ADK: variants seen among roughly 807,000 people sequenced by gnomAD.
ADK encodes the protein adenosine kinase, also known as N6,N6-dimethyladenosine kinase.
Under a neutral mutation model 44.7 loss-of-function variants are expected in ADK, and 24 were observed. That is an observed-to-expected ratio of 0.54 (90% CI 0.39 to 0.76). The LOEUF is 0.76. Ranked by LOEUF, ADK falls within the 30% of genes least tolerant of loss-of-function variation. The pLI is 0.00. For missense variants in ADK, 321 were observed against 425.1 expected (o/e 0.76, Z 2.15); for synonymous variants, 128 against 142.6 (o/e 0.90, Z 0.73).
At chr10:74,176,484 A>C in intron 1 of ADK, 1 of 1,156,316 alleles carries the variant, frequency 8.6e-7, no homozygotes. Flanking sequence ...CGGTTGCCAG[A>C]GGCGCGGCCA....
chr10:74,205,612 G>A (rs895918049), intron 2 of ADK, among the ~76,000 whole-genome samples: 7 of 144,832 alleles, frequency 4.8e-5, no homozygotes, highest in Admixed American at 2.9e-4. Context: ...GGAGGCGGAG[G>A]TTGCAGTAAG....
At chr10:74,688,395 C>T (rs1855868012) in intron 10 of ADK, among the ~76,000 whole-genome samples, 1 of 152,158 alleles carries the variant, frequency 6.6e-6, no homozygotes, top group African/African-American at 2.4e-5. Context: ...ATCCCCGGGA[C>T]CCAGCACAGT....
intron 6 of ADK, among the ~76,000 whole-genome samples, chr10:74,454,513 A>C (rs1025659220): frequency 1.3e-5 from 2 of 152,150 alleles, no homozygotes; most frequent in African/African-American, 4.8e-5. Flanking sequence ...TATAAATCCA[A>C]GTTGCGCTGC....
rs118032268 is a variant in ADK, at chr10:74,433,462, C to T, written c.555+34883C>T. On this transcript the variant is annotated intron_variant, in intron 6 of 10. Transcript: ENST00000539909. ...TCATTTGTTGACATGAAGAAAACCA[C>T]GTGACCTACTTTAATGCATTTCTCA... Among the ~76,000 whole-genome samples, 366 of 152,228 alleles carry T rather than the reference C, an allele frequency of 2.4e-3. 15 individuals carry two copies. The highest frequency in any genetic ancestry group is 2.9e-3 in the East Asian group (15 of 5,190).
chr10:74,156,624 G>T (rs912909200), intron 1 of ADK, among the ~76,000 whole-genome samples: 3 of 152,074 alleles, frequency 2.0e-5, no homozygotes, highest in African/African-American at 7.2e-5. Context: ...TTAGGTGGGG[G>T]AAAAAAAGTA....
chr10:74,566,201 C>CTTTTT (rs772254919), intron 7 of ADK, among the ~76,000 whole-genome samples: 107 of 113,962 alleles, frequency 9.4e-4, no homozygotes, highest in African/African-American at 2.4e-3. Context: ...CTCTCTCTCT[C>CTTTTT]TTTTTTTTTT....
At chr10:74,376,707 G>A (rs961591235) in intron 4 of ADK, among the ~76,000 whole-genome samples, 5 of 150,810 alleles carry the variant, frequency 3.3e-5, no homozygotes, top group Admixed American at 3.3e-4. Context: ...ATTTGAATCA[G>A]CATCTAAAGA....
intron 6 of ADK, among the ~76,000 whole-genome samples, chr10:74,502,343 T>G (rs1476673717): frequency 6.6e-6 from 1 of 152,062 alleles, no homozygotes; most frequent in African/African-American, 2.4e-5. Context: ...GTGCCACATA[T>G]AAGAAATGTA....
At chr10:74,220,254 A>C (rs1288921137) in intron 2 of ADK, among the ~76,000 whole-genome samples, 1 of 152,212 alleles carries the variant, frequency 6.6e-6, no homozygotes, top group East Asian at 1.9e-4. Context: ...CTACGCAAAT[A>C]AAGTAGAAAA....
At chr10:74,408,256 G>A (rs1429382693) in intron 6 of ADK, among the ~76,000 whole-genome samples, 4 of 151,298 alleles carry the variant, frequency 2.6e-5, no homozygotes, top group Admixed American at 2.6e-4. Context: ...GACTCCCAAT[G>A]TGCTGGTATT....
chr10:74,701,325 G>A (rs914541093), intron 10 of ADK, among the ~76,000 whole-genome samples: 2 of 152,200 alleles, frequency 1.3e-5, no homozygotes, highest in Non-Finnish European at 1.5e-5. Flanking sequence ...GTGTGTGTGT[G>A]TGCATGACTA....
At chr10:74,496,496 T>C (rs1479840196) in intron 6 of ADK, among the ~76,000 whole-genome samples, 1 of 152,226 alleles carries the variant, frequency 6.6e-6, no homozygotes, top group Non-Finnish European at 1.5e-5. Context: ...CCTTCCGCCA[T>C]GATTGTAAGT....
Position 74,709,014 on chromosome 10 carries a change from T to C in ADK, c.*569T>C, listed in dbSNP as rs1403149889. The C allele has an allele frequency of 2.0e-5, 3 of 153,226 alleles. No individual in the cohort carries two copies. The highest frequency in any genetic ancestry group is 7.2e-5 in the African/African-American group (3 of 41,454). 9.5% of individuals were successfully genotyped at this position (153,226 alleles called of 1,614,324 possible). Reference sequence around the variant, plus strand: ...TGTGCACTCAAACATGTAATAAACTTTGGATAATTAAATAATGTGCCAAAT... The same window carrying C: ...TGTGCACTCAAACATGTAATAAACTCTGGATAATTAAATAATGTGCCAAAT... On this transcript the variant is annotated 3_prime_UTR_variant, in exon 11 of 11. Coordinates refer to ENST00000539909, the MANE Select transcript of ADK (RefSeq NM_006721.4).
intron 6 of ADK, among the ~76,000 whole-genome samples, chr10:74,419,964 T>C (rs1844502047): frequency 6.6e-6 from 1 of 152,198 alleles, no homozygotes; most frequent in Non-Finnish European, 1.5e-5. Flanking sequence ...TACTTACTTA[T>C]AATTGACTAG....
At chr10:74,649,209 T>A (rs1313018365) in intron 9 of ADK, among the ~76,000 whole-genome samples, 1 of 152,100 alleles carries the variant, frequency 6.6e-6, no homozygotes, top group Non-Finnish European at 1.5e-5. Flanking sequence ...CGAGACTCCA[T>A]CTCAAAAAAC....
intron 7 of ADK, among the ~76,000 whole-genome samples, chr10:74,581,360 T>A (rs1329544036): frequency 2.0e-5 from 3 of 151,772 alleles, no homozygotes; most frequent in Non-Finnish European, 1.5e-5. Context: ...CTTGAAGACA[T>A]AGCAATAGCA....
chr10:74,698,602 GGA>G (rs1856290881), intron 10 of ADK, among the ~76,000 whole-genome samples: 1 of 152,112 alleles, frequency 6.6e-6, no homozygotes, highest in African/African-American at 2.4e-5. Flanking sequence ...CTCCCATTCT[GGA>G]GTGCAGTGGA....
intron 5 of ADK, among the ~76,000 whole-genome samples, chr10:74,396,411 G>C (rs184074400): frequency 5.3e-5 from 8 of 152,066 alleles, no homozygotes; most frequent in Non-Finnish European, 1.2e-4. Flanking sequence ...GCATGTACCT[G>C]TGGTCCCCGC....
intron 2 of ADK, among the ~76,000 whole-genome samples, chr10:74,212,623 CT>C (rs1352064590): frequency 3.9e-5 from 6 of 152,298 alleles, no homozygotes; most frequent in African/African-American, 1.4e-4. Context: ...ATATTACTGG[CT>C]ACTGAGCTTG....
Sources: allele counts gnomAD v4.1 joint callset (sites outside exome capture counted in the v4.1 genomes callset), GRCh38; gene constraint gnomAD v4.1.1; transcripts MANE v1.5; gene names NCBI Gene and HGNC (gene_info 2026-07-23, HGNC 2026-07-21).